Variants in DGLUCY observed in about 807,000 individuals in gnomAD.
DGLUCY encodes the protein D-glutamate cyclase, mitochondrial.
A neutral mutation model predicts 58.5 loss-of-function variants in DGLUCY; 58 were observed. The observed-to-expected ratio is 0.99, with a 90% CI of 0.80 to 1.23. The LOEUF is 1.23. Among genes scored for constraint, DGLUCY ranks in the 50% most tolerant of loss-of-function variants. The probability of loss-of-function intolerance (pLI) is 0.00; values close to 1 mark genes in which losing one functional copy is unlikely to be tolerated. For missense variants in DGLUCY, 779 were observed against 784.7 expected (o/e 0.99, Z 0.09); for synonymous variants, 325 against 314.1 (o/e 1.03, Z -0.37).
intron 1 of DGLUCY, among the ~76,000 whole-genome samples, chr14:91,089,712 T>C (rs1447594716): frequency 2.6e-5 from 4 of 151,344 alleles, no homozygotes; most frequent in Admixed American, 2.6e-4. Flanking sequence ...TCCCAGCTAC[T>C]TGGGAGGCTG....
At chr14:91,215,004 C>G (rs1044024550) in intron 12 of DGLUCY, among the ~76,000 whole-genome samples, 6 of 152,124 alleles carry the variant, frequency 3.9e-5, no homozygotes, top group Non-Finnish European at 1.5e-5. Context: ...TAAAAATTAG[C>G]TGGGCATGGT....
rs140923522 is a variant in DGLUCY, at chr14:91,197,076, C to T, written c.1295+602C>T. ...CCGCCTCCCAGGTGCCAGTGATTCT[C>T]CTGCCTCAGCCTCCCAAGTAGCTGG... On this transcript the variant is annotated intron_variant, in intron 10 of 13. Transcript: ENST00000256324. Among the ~76,000 whole-genome samples the T allele has an allele frequency of 2.3e-3, 353 of 152,298 alleles. 4 individuals carry two copies. Among genetic ancestry groups the T allele is most frequent in the African/African-American group, 8.0e-3 (333 of 41,556 alleles).
intron 9 of DGLUCY, among the ~76,000 whole-genome samples, chr14:91,194,839 G>A (rs2050110572): frequency 6.6e-6 from 1 of 152,040 alleles, no homozygotes; most frequent in African/African-American, 2.4e-5. Context: ...TGCCCGGCCA[G>A]TGAGGGATTC....
At chr14:91,127,593 G>T (rs2045780631) in intron 1 of DGLUCY, among the ~76,000 whole-genome samples, 1 of 152,258 alleles carries the variant, frequency 6.6e-6, no homozygotes, top group Non-Finnish European at 1.5e-5. Context: ...GTTTGGCCAG[G>T]CAGGGAACGC....
chr14:91,196,582 G>A (rs999949902), intron 10 of DGLUCY, 108 bp downstream of exon 10: 26 of 888,246 alleles, frequency 2.9e-5, no homozygotes, highest in Non-Finnish European at 4.1e-5. Context: ...AGGGAGCGAA[G>A]CCATGAGCCA....
rs1047743788 is a variant in DGLUCY, at chr14:91,126,342, C to G, written c.-82+12059C>G. On this transcript the variant is annotated intron_variant, in intron 1 of 13. Transcript: ENST00000256324. ...TTCCTTGGACTGTAGCTGCGTCACT[C>G]CAATCTCTGCCTCCATCTTCACAGG... The G allele has an allele frequency of 1.9e-5, 3 of 153,910 alleles. 1 individual carries two copies. The highest frequency in any genetic ancestry group is 4.4e-5 in the Non-Finnish European group (3 of 68,630). 9.5% of individuals were successfully genotyped at this position (153,910 alleles called of 1,614,324 possible). A position where few individuals can be genotyped will look rare whatever the true frequency, so the allele number is the denominator to read the frequency against.
At position 91,224,760 on chromosome 14, in the gene DGLUCY, A is replaced by G. The variant is rs774405909; in HGVS notation, c.1793A>G (p.Asp598Gly). The change falls in exon 14 of 14, where the codon GAT (aspartate) becomes GGT (glycine). Residue 598 changes from aspartate to glycine, a missense_variant. By Grantham distance (94) the Asp-to-Gly change is moderately conservative. Coordinates refer to ENST00000256324, the MANE Select transcript of DGLUCY (RefSeq NM_001102368.3). ...TCGGGCATCGTGGGCATGGAGGTGG[A>G]TGGGCTGCCCTTCCACAACACCCAC... ...GVSGIVGMEV[D>G]GLPFHNTHAE... is the part of the protein sequence containing the mutation. 3.7e-6 allele frequency: 6 copies of G among 1,613,778 alleles called. No individual in the cohort carries two copies. The highest frequency in any genetic ancestry group is 3.4e-6 in the Non-Finnish European group (4 of 1,179,794).
intron 11 of DGLUCY, among the ~76,000 whole-genome samples, chr14:91,204,070 G>T (rs1235137095): frequency 6.6e-6 from 1 of 152,158 alleles, no homozygotes; most frequent in Non-Finnish European, 1.5e-5. Context: ...TTTCACCAAT[G>T]AATTAAATCA....
At chr14:91,131,627 C>T (rs1392787437) in intron 1 of DGLUCY, among the ~76,000 whole-genome samples, 1 of 152,134 alleles carries the variant, frequency 6.6e-6, no homozygotes, top group East Asian at 1.9e-4. Flanking sequence ...TCCCCCACCC[C>T]ACCACAGGCC....
At chr14:91,138,678 C>T (rs928290300) in intron 1 of DGLUCY, among the ~76,000 whole-genome samples, 1 of 152,120 alleles carries the variant, frequency 6.6e-6, no homozygotes, top group South Asian at 2.1e-4. Context: ...GGGGAAATGT[C>T]ACAATTTTAA....
chr14:91,206,716 C>T (rs937430416), intron 12 of DGLUCY, among the ~76,000 whole-genome samples: 2 of 152,008 alleles, frequency 1.3e-5, no homozygotes, highest in African/African-American at 4.8e-5. Flanking sequence ...TAAATTATGT[C>T]CACCTTTCAA....
intron 1 of DGLUCY, among the ~76,000 whole-genome samples, chr14:91,074,037 C>T (rs2140033517): frequency 1.4e-5 from 2 of 147,894 alleles, no homozygotes; most frequent in East Asian, 2.0e-4. Context: ...GGGCAGATTG[C>T]TTGATCCCAG....
intron 12 of DGLUCY, among the ~76,000 whole-genome samples, chr14:91,210,872 G>T (rs1397481963): frequency 6.6e-6 from 1 of 152,120 alleles, no homozygotes; most frequent in African/African-American, 2.4e-5. Context: ...AATGCCGTAA[G>T]ACAAGAAAAA....
In DGLUCY at chr14:91,225,038, G is replaced by C. The variant is rs1193190622; in HGVS notation, c.*205G>C. 2.2e-5 allele frequency: 11 copies of C among 497,382 alleles called. No individual in the cohort carries two copies. Among genetic ancestry groups the C allele is most frequent in the Non-Finnish European group, 3.3e-5 (10 of 302,548 alleles). The allele number at this position is 497,382 out of a possible 1,614,324, so 30.8% of individuals were successfully genotyped here. A position where few individuals can be genotyped will look rare whatever the true frequency, so the allele number is the denominator to read the frequency against. ...GGACAAAGGACAACATTTCTCTGGG[G>C]CTTTTTAACTTTTATTCCTAAGACT... On this transcript the variant is annotated 3_prime_UTR_variant, in exon 14 of 14. Coordinates refer to ENST00000256324, the MANE Select transcript of DGLUCY (RefSeq NM_001102368.3).
At chr14:91,151,233 T>TTTG (rs898434528) in intron 1 of DGLUCY, among the ~76,000 whole-genome samples, 3 of 152,354 alleles carry the variant, frequency 2.0e-5, no homozygotes, top group African/African-American at 7.2e-5. Flanking sequence ...TTCTTATTTC[T>TTTG]TTGTTGTTGT....
chr14:91,079,070 A>C (rs916781962), intron 1 of DGLUCY, among the ~76,000 whole-genome samples: 2 of 151,076 alleles, frequency 1.3e-5, no homozygotes, highest in African/African-American at 2.4e-5. Context: ...TGCCTGGCTC[A>C]TTTTTGTATT....
chr14:91,132,283 G>A (rs1176279743), intron 1 of DGLUCY, among the ~76,000 whole-genome samples: 2 of 151,948 alleles, frequency 1.3e-5, no homozygotes, highest in Admixed American at 6.6e-5. Flanking sequence ...AATTACTATG[G>A]GCAGGGTGTG....
At chr14:91,196,063 C>A (rs1322219123) in intron 9 of DGLUCY, among the ~76,000 whole-genome samples, 3 of 152,130 alleles carry the variant, frequency 2.0e-5, no homozygotes, top group Non-Finnish European at 4.4e-5. Flanking sequence ...ATGCTCAGCC[C>A]TCGTGATGGC....
intron 8 of DGLUCY, among the ~76,000 whole-genome samples, chr14:91,187,426 G>A (rs769099972): frequency 1.4e-4 from 22 of 152,176 alleles, no homozygotes; most frequent in Non-Finnish European, 7.3e-5. Context: ...CTGCCTTCGC[G>A]TGCACTGTTT....
Sources: allele counts gnomAD v4.1 joint callset (sites outside exome capture counted in the v4.1 genomes callset), GRCh38; gene constraint gnomAD v4.1.1; transcripts MANE v1.5; gene names NCBI Gene and HGNC (gene_info 2026-07-23, HGNC 2026-07-21).